The following BCAS3 variants were observed in gnomAD, a reference collection of about 807,000 sequenced individuals.
BCAS3 encodes BCAS3 microtubule associated cell migration factor.
In BCAS3, 53 loss-of-function variants were observed where a neutral mutation model predicts 116.1. The ratio of observed to expected loss-of-function variants is 0.46; its 90% CI spans 0.37 to 0.57. BCAS3 has a LOEUF of 0.57. Among genes scored for constraint, BCAS3 ranks in the 20% least tolerant of loss-of-function variants. BCAS3 has a pLI of 0.00. For missense variants in BCAS3, 917 were observed against 1,165.4 expected, an observed-to-expected ratio of 0.79 and a Z score of 3.10; for synonymous variants, 391 against 408.2, an observed-to-expected ratio of 0.96 and a Z score of 0.51.
chr17:61,125,031 G>GATTTA (rs1228706525), intron 22 of BCAS3, among the ~76,000 whole-genome samples: 1 of 152,058 alleles, frequency 6.6e-6, no homozygotes, highest in Non-Finnish European at 1.5e-5. Context: ...AATCAGAAAG[G>GATTTA]AATGCAAAAT....
At chr17:60,719,670 G>T (rs2039030793) in intron 5 of BCAS3, among the ~76,000 whole-genome samples, 1 of 152,192 alleles carries the variant, frequency 6.6e-6, no homozygotes, top group African/African-American at 2.4e-5. Flanking sequence ...TGGACTCGTT[G>T]AGAATCTTTT....
At position 60,679,529 on chromosome 17, in the gene BCAS3, C is replaced by G; in HGVS notation, c.72C>G (p.Pro24=). Residue 24 remains proline (P), a synonymous_variant, in exon 2 of 24, where the codon CCC becomes CCG. Coordinates refer to ENST00000407086, the MANE Select transcript of BCAS3 (RefSeq NM_017679.5). ...SRCTGGVVVR[P]QAVTEQSYME... is the part of the protein sequence containing the mutation. Reference sequence around the variant, plus strand: ...GTACTGGTGGAGTTGTGGTTCGCCCCCAGGCTGTCACGTAAGCACATTTCA... The same window carrying G: ...GTACTGGTGGAGTTGTGGTTCGCCCGCAGGCTGTCACGTAAGCACATTTCA... 6.2e-7 allele frequency: 1 copy of G among 1,612,812 alleles called. No homozygotes were observed. Among genetic ancestry groups the G allele is most frequent in the Non-Finnish European group, 8.5e-7 (1 of 1,178,968 alleles).
At chr17:61,167,443 T>C (rs539045207) in intron 22 of BCAS3, among the ~76,000 whole-genome samples, 126 of 152,364 alleles carry the variant, frequency 8.3e-4, no homozygotes, top group Non-Finnish European at 1.4e-3. Context: ...GTCTCTCACC[T>C]GAACTAACTC....
chr17:60,716,775 A>C (rs2038662617), intron 5 of BCAS3, among the ~76,000 whole-genome samples: 1 of 152,084 alleles, frequency 6.6e-6, no homozygotes, highest in South Asian at 2.1e-4. Flanking sequence ...ATTTGGAGAG[A>C]TCAATAAAAG....
At position 61,248,742 on chromosome 17, in the gene BCAS3, A is replaced by G. The variant is rs1263007339; in HGVS notation, c.2426-119585A>G. Among the ~76,000 whole-genome samples, 1 of 152,198 alleles carries G rather than the reference A, an allele frequency of 6.6e-6. No individual in the cohort carries two copies. The highest frequency in any genetic ancestry group is 6.5e-5 in the Admixed American group (1 of 15,282). ...AAATGATACCAGGACTTCTTTGAATATTCTATTTAGTCTGTACTAGGACAC... is the reference window on the plus strand; with the variant it reads ...AAATGATACCAGGACTTCTTTGAATGTTCTATTTAGTCTGTACTAGGACAC... On this transcript the variant is annotated intron_variant, in intron 22 of 23. Transcript: ENST00000407086. The surrounding 1 kb of genome is among the most constrained non-coding windows in gnomAD (Gnocchi z 4.3).
At chr17:60,934,808 G>A (rs763825383) in intron 13 of BCAS3, among the ~76,000 whole-genome samples, 4 of 152,070 alleles carry the variant, frequency 2.6e-5, no homozygotes, top group African/African-American at 2.4e-5. Flanking sequence ...ACCTGTGGTC[G>A]GGAGCAGTGA....
chr17:61,092,803 A>G (rs1431539034), intron 22 of BCAS3, among the ~76,000 whole-genome samples: 1 of 150,836 alleles, frequency 6.6e-6, no homozygotes, highest in Non-Finnish European at 1.5e-5. Context: ...TTGCGTTTTC[A>G]CTTTCTTAAT....
intron 15 of BCAS3, among the ~76,000 whole-genome samples, chr17:60,992,721 T>C (rs1166964056): frequency 6.6e-6 from 1 of 152,170 alleles, no homozygotes; most frequent in Non-Finnish European, 1.5e-5. Context: ...GTATATAGAA[T>C]TTTTATAAAA....
chr17:60,912,992 AATTATATTAAAACATG>A (rs777824789), intron 12 of BCAS3, among the ~76,000 whole-genome samples: 30 of 152,234 alleles, frequency 2.0e-4, no homozygotes, highest in Admixed American at 4.6e-4. Flanking sequence ...GGGGACATAT[AATTATATTAAAACATG>A]ACATTTAGGC....
intron 6 of BCAS3, among the ~76,000 whole-genome samples, chr17:60,785,106 A>G (rs1278630177): frequency 6.6e-6 from 1 of 152,184 alleles, no homozygotes; most frequent in African/African-American, 2.4e-5. Flanking sequence ...CTCAAAAAAA[A>G]AGTATCTAGC....
intron 2 of BCAS3, among the ~76,000 whole-genome samples, chr17:60,681,225 C>T (rs929720019): frequency 2.6e-5 from 4 of 151,840 alleles, no homozygotes; most frequent in African/African-American, 7.3e-5. Flanking sequence ...TATGTCTGGG[C>T]GCAGTGGCTC....
In BCAS3 at chr17:61,244,817, C is replaced by T. The variant is rs527608743; in HGVS notation, c.2426-123510C>T. Among the ~76,000 whole-genome samples the T allele has an allele frequency of 1.5e-4, 23 of 152,092 alleles. No individual in the cohort carries two copies. The highest frequency in any genetic ancestry group is 9.2e-4 in the Admixed American group (14 of 15,268). On this transcript the variant is annotated intron_variant, in intron 22 of 23. Coordinates refer to ENST00000407086, the MANE Select transcript of BCAS3 (RefSeq NM_017679.5). This position sits in a 1 kb window ranked among gnomAD's most constrained non-coding sequence, Gnocchi z 4.9. ...GGCAGAGCTTGCAGTGAGCCGAGAT[C>T]GCGCCACTGTACCCCAGCCTGAGCA...
intron 6 of BCAS3, among the ~76,000 whole-genome samples, chr17:60,753,858 G>A (rs368606123): frequency 4.6e-5 from 7 of 151,968 alleles, no homozygotes; most frequent in East Asian, 3.9e-4. Flanking sequence ...TGGAATGATG[G>A]GAACTGTGTT....
At chr17:61,310,127 A>G (rs1249553481) in intron 22 of BCAS3, among the ~76,000 whole-genome samples, 1 of 152,196 alleles carries the variant, frequency 6.6e-6, no homozygotes, top group Non-Finnish European at 1.5e-5. Flanking sequence ...GAATGAATCA[A>G]AGGCGATCCC....
chr17:61,060,610 C>T (rs1401205104), intron 19 of BCAS3, among the ~76,000 whole-genome samples: 2 of 152,162 alleles, frequency 1.3e-5, no homozygotes, highest in African/African-American at 4.8e-5. Flanking sequence ...TGTCAGTCTG[C>T]AGGTCAAGAA....
chr17:61,210,088 C>T (rs548832986), intron 22 of BCAS3, among the ~76,000 whole-genome samples: 1 of 152,264 alleles, frequency 6.6e-6, no homozygotes, highest in Admixed American at 6.5e-5. Context: ...TAATTAGACA[C>T]GAAGTTCACC....
chr17:60,815,705 G>A (rs1313534340), intron 7 of BCAS3, among the ~76,000 whole-genome samples: 1 of 152,194 alleles, frequency 6.6e-6, no homozygotes, highest in Non-Finnish European at 1.5e-5. Context: ...GGAAAGAGTA[G>A]GAGAATACAT....
At chr17:61,350,468 G>A (rs116271272) in intron 22 of BCAS3, among the ~76,000 whole-genome samples, 14,715 of 147,936 alleles carry the variant, frequency 0.099, 908 homozygotes, top group African/African-American at 0.17. Flanking sequence ...TTTATTGTAT[G>A]TATTTAAGGT....
chr17:60,844,681 G>A (rs141462626), intron 7 of BCAS3, among the ~76,000 whole-genome samples: 2 of 152,176 alleles, frequency 1.3e-5, no homozygotes, highest in African/African-American at 2.4e-5. Context: ...GCTTATCATG[G>A]GATGCTGAGT....
Sources: allele counts gnomAD v4.1 joint callset (sites outside exome capture counted in the v4.1 genomes callset), GRCh38; gene constraint gnomAD v4.1.1; non-coding constraint Gnocchi (gnomAD v3.1); transcripts MANE v1.5; gene names NCBI Gene and HGNC (gene_info 2026-07-23, HGNC 2026-07-21).